Variants in CYP2C19 observed in about 807,000 individuals in gnomAD.
CYP2C19 encodes the protein cytochrome P450 2C19.
In CYP2C19, 59 loss-of-function variants were observed where a neutral mutation model predicts 40.9. The ratio of observed to expected loss-of-function variants is 1.44; its 90% CI spans 1.17 to 1.79. The LOEUF is 1.79. Ranked by LOEUF, CYP2C19 falls within the 40% of genes most tolerant of loss-of-function variation. The pLI is 0.00. For synonymous variants in CYP2C19, 253 were observed against 208.7 expected (o/e 1.21, Z -1.83); for missense variants, 754 against 596.9 (o/e 1.26, Z -2.74).
At chr10:94,774,843 G>A (rs995722760) in intron 1 of CYP2C19, 10 of 579,214 alleles carry the variant, frequency 1.7e-5, no homozygotes, top group African/African-American at 1.7e-4. Context: ...TGTAATCTGT[G>A]TAGCAATTGT....
intron 5 of CYP2C19, among the ~76,000 whole-genome samples, chr10:94,804,504 G>A (rs1848807003): frequency 6.6e-6 from 1 of 152,176 alleles, no homozygotes; most frequent in African/African-American, 2.4e-5. Flanking sequence ...CCCAGGTATG[G>A]GAAAATGTGT....
At chr10:94,816,251 T>C (rs531103861) in intron 5 of CYP2C19, among the ~76,000 whole-genome samples, 1 of 151,360 alleles carries the variant, frequency 6.6e-6, no homozygotes, top group African/African-American at 2.4e-5. Context: ...TTTCTTTTTT[T>C]TTTTCTTTAT....
At chr10:94,811,627 A>T (rs1333487777) in intron 5 of CYP2C19, among the ~76,000 whole-genome samples, 1 of 151,982 alleles carries the variant, frequency 6.6e-6, no homozygotes, top group East Asian at 1.9e-4. Context: ...TCCCCTTAAC[A>T]TTATATGATA....
intron 6 of CYP2C19, among the ~76,000 whole-genome samples, chr10:94,827,274 T>C (rs1187922612): frequency 7.2e-5 from 11 of 152,126 alleles, no homozygotes; most frequent in Non-Finnish European, 1.6e-4. Flanking sequence ...AGAATTCGGC[T>C]GTGAATCCGT....
chr10:94,791,461 G>T (rs188761296), intron 5 of CYP2C19, among the ~76,000 whole-genome samples: 193 of 152,174 alleles, frequency 1.3e-3, no homozygotes, highest in African/African-American at 4.5e-3. Flanking sequence ...TGATGTTAGG[G>T]TGTCAAATTT....
rs1387177765 is a variant in CYP2C19, at chr10:94,853,882, A to G, written c.*968A>G. Among the ~76,000 whole-genome samples the G allele has an allele frequency of 6.6e-6, 1 of 152,052 alleles. No individual in the cohort carries two copies. The highest frequency in any genetic ancestry group is 1.5e-5 in the Non-Finnish European group (1 of 68,010). ...TAAAGTGTCATTACTTTATCTCTAAATAAAGAATCAGGTTACTTTTATTAC... is the reference window on the plus strand; with the variant it reads ...TAAAGTGTCATTACTTTATCTCTAAGTAAAGAATCAGGTTACTTTTATTAC... On this transcript the variant is annotated 3_prime_UTR_variant, in exon 9 of 9. Coordinates refer to ENST00000371321, the MANE Select transcript of CYP2C19 (RefSeq NM_000769.4).
intron 7 of CYP2C19, among the ~76,000 whole-genome samples, chr10:94,848,920 T>C (rs1411332254): frequency 6.6e-6 from 1 of 152,178 alleles, no homozygotes; most frequent in Admixed American, 6.6e-5. Context: ...TTTTTGTCCA[T>C]TGATTTTGTA....
intron 4 of CYP2C19, 130 bp from the exon 5 acceptor site, chr10:94,781,691 A>T (rs1163192153): frequency 2.6e-6 from 1 of 382,334 alleles, no homozygotes; most frequent in African/African-American, 2.1e-5. Context: ...GTACAATAAA[A>T]ATTTCCCCAT....
intron 1 of CYP2C19, among the ~76,000 whole-genome samples, chr10:94,766,585 T>G (rs1848247610): frequency 6.6e-6 from 1 of 152,142 alleles, no homozygotes; most frequent in South Asian, 2.1e-4. Flanking sequence ...AGAAGAGGTG[T>G]TAAAGATAAA....
At chr10:94,804,403 A>T (rs1848805826) in intron 5 of CYP2C19, among the ~76,000 whole-genome samples, 2 of 152,132 alleles carry the variant, frequency 1.3e-5, no homozygotes, top group Non-Finnish European at 2.9e-5. Context: ...CTGGCCTGAG[A>T]CTAAAATATC....
intron 5 of CYP2C19, among the ~76,000 whole-genome samples, chr10:94,807,224 C>A (rs984293650): frequency 2.0e-5 from 3 of 152,040 alleles, no homozygotes; most frequent in African/African-American, 4.8e-5. Flanking sequence ...GAATTTTGGG[C>A]TTTTCTTATT....
In CYP2C19 at chr10:94,837,721, A is replaced by G. The variant is rs1186412501; in HGVS notation, c.962-5116A>G. Among the ~76,000 whole-genome samples the G allele has an allele frequency of 6.6e-5, 10 of 152,110 alleles. No homozygotes were observed. In the East Asian group the frequency reaches 1.9e-3, roughly 30 times the overall value. On this transcript the variant is annotated intron_variant, in intron 6 of 8. Transcript: ENST00000371321. ...TGCACCAGTGTCCAGGAGACAGTTA[A>G]CCTCCTGGCCCTCAATGGTCAAGCA...
intron 5 of CYP2C19, among the ~76,000 whole-genome samples, chr10:94,818,854 C>T (rs1244558818): frequency 1.3e-5 from 2 of 151,902 alleles, no homozygotes; most frequent in African/African-American, 4.8e-5. Context: ...AATTTGACTT[C>T]CTCTTTTCCT....
At chr10:94,792,184 C>A (rs1848613792) in intron 5 of CYP2C19, among the ~76,000 whole-genome samples, 1 of 152,028 alleles carries the variant, frequency 6.6e-6, no homozygotes, top group Non-Finnish European at 1.5e-5. Flanking sequence ...AGGATTGCAA[C>A]CCCTGCATTT....
intron 8 of CYP2C19, among the ~76,000 whole-genome samples, chr10:94,850,914 C>T (rs1235084646): frequency 6.6e-6 from 1 of 152,300 alleles, no homozygotes; most frequent in Non-Finnish European, 1.5e-5. Flanking sequence ...TTGATCTCCA[C>T]ACGTGAAATG....
At chr10:94,805,066 C>T (rs1164348512) in intron 5 of CYP2C19, among the ~76,000 whole-genome samples, 1 of 152,016 alleles carries the variant, frequency 6.6e-6, no homozygotes, top group Non-Finnish European at 1.5e-5. Context: ...TGCATGGTTG[C>T]TCTGGCTAGA....
chr10:94,842,512 A>T (rs1439398672), intron 6 of CYP2C19, among the ~76,000 whole-genome samples: 1 of 148,912 alleles, frequency 6.7e-6, no homozygotes, highest in African/African-American at 2.5e-5. Flanking sequence ...TTAAGTAAGG[A>T]CTTACTTCTG....
intron 5 of CYP2C19, among the ~76,000 whole-genome samples, chr10:94,787,508 C>CA (rs1848558387): frequency 6.6e-6 from 1 of 152,020 alleles, no homozygotes; most frequent in African/African-American, 2.4e-5. Context: ...AATTAGGTCC[C>CA]ACTTGTCAAT....
intron 6 of CYP2C19, among the ~76,000 whole-genome samples, chr10:94,829,230 G>C (rs1164734697): frequency 1.3e-5 from 2 of 152,180 alleles, no homozygotes; most frequent in Non-Finnish European, 2.9e-5. Context: ...GATTGGGGAA[G>C]TTCTCCTGGA....
Sources: gnomAD v4.1 joint callset for allele counts (sites outside exome capture counted in the v4.1 genomes callset) on GRCh38, gnomAD v4.1.1 for gene constraint, MANE v1.5 for transcripts, NCBI Gene and HGNC (gene_info 2026-07-23, HGNC 2026-07-21) for gene names.